RWDD4: variants seen among roughly 807,000 people sequenced by gnomAD.
RWDD4 encodes RWD domain containing 4.
Under a neutral mutation model 30.0 loss-of-function variants are expected in RWDD4, and 16 were observed. That is an observed-to-expected ratio of 0.53 (90% CI 0.36 to 0.81). The LOEUF (loss-of-function observed/expected upper bound fraction) is 0.81, where lower values mean the gene tolerates loss of function less well. RWDD4 is among the 30% of genes least tolerant of loss of function. RWDD4 has a pLI of 0.00. For synonymous variants in RWDD4, 45 were observed against 72.1 expected, an observed-to-expected ratio of 0.62 and a Z score of 1.90; for missense variants, 170 against 223.9, an observed-to-expected ratio of 0.76 and a Z score of 1.54.
At chr4:183,643,321 T>C (rs1733901842) in intron 7 of RWDD4, among the ~76,000 whole-genome samples, 1 of 134,788 alleles carries the variant, frequency 7.4e-6, no homozygotes, top group South Asian at 2.3e-4. Context: ...CAGGCTGAGG[T>C]AGAAGAATCG....
At position 183,659,075 on chromosome 4, in the gene RWDD4, T is replaced by C. The variant is rs1734306957; in HGVS notation, c.-123A>G. 1.4e-6 allele frequency: 1 copy of C among 720,844 alleles called. No individual in the cohort carries two copies. The allele number at this position is 720,844 out of a possible 1,614,324, so 44.7% of individuals were successfully genotyped here. A position where few individuals can be genotyped will look rare whatever the true frequency, so the allele number is the denominator to read the frequency against. ...CCTCGGCTGTGGGGGCGGCACAGTCTTGGCACTGGCAGACGCCAACTGCGC... is the reference window on the plus strand; with the variant it reads ...CCTCGGCTGTGGGGGCGGCACAGTCCTGGCACTGGCAGACGCCAACTGCGC... On this transcript the variant is annotated 5_prime_UTR_variant, in exon 1 of 8. Coordinates refer to ENST00000326397, the MANE Select transcript of RWDD4 (RefSeq NM_152682.4).
Position 183,651,071 on chromosome 4 carries a change from A to G in RWDD4, c.276T>C (p.Leu92=). ...ACAATGTATAGGTCATAGCGGTTCC[A>G]AGATTAGCTTCTACTGCTTCCTGTA... ...AKLQEAVEAN[L]GTAMTYTLFE... is the part of the protein sequence containing the mutation. Residue 92 remains leucine (L), a synonymous_variant, in exon 4 of 8, where the codon CTT becomes CTC. Coordinates refer to ENST00000326397, the MANE Select transcript of RWDD4 (RefSeq NM_152682.4). The G allele has an allele frequency of 1.2e-6, 2 of 1,614,072 alleles. No homozygotes were observed. The highest frequency in any genetic ancestry group is 1.7e-6 in the Non-Finnish European group (2 of 1,180,000).
intron 5 of RWDD4, among the ~76,000 whole-genome samples, chr4:183,647,431 C>T (rs1733984850): frequency 6.6e-6 from 1 of 152,090 alleles, no homozygotes; most frequent in South Asian, 2.1e-4. Context: ...GAATCGTATC[C>T]CCCTGGTTAC....
intron 2 of RWDD4, among the ~76,000 whole-genome samples, chr4:183,655,409 G>A (rs111469812): frequency 0.06 from 9,113 of 151,608 alleles, 904 homozygotes; most frequent in African/African-American, 0.21. Context: ...AGCCTCCCGA[G>A]TAGCTGGGAC....
chr4:183,644,651 T>C (rs1266471521), intron 7 of RWDD4, among the ~76,000 whole-genome samples: 5 of 151,942 alleles, frequency 3.3e-5, no homozygotes, highest in Admixed American at 2.6e-4. Context: ...TGGCGGTGCA[T>C]GCCTGTAGTC....
chr4:183,649,065 C>A (rs1315344256), intron 5 of RWDD4, among the ~76,000 whole-genome samples: 1 of 151,346 alleles, frequency 6.6e-6, no homozygotes, highest in African/African-American at 2.4e-5. Flanking sequence ...AAGAATTAAT[C>A]TAAATATATC....
chr4:183,641,651 A>C (rs1733858077), intron 7 of RWDD4, among the ~76,000 whole-genome samples, 183 bp from the exon 8 acceptor site: 1 of 152,154 alleles, frequency 6.6e-6, no homozygotes, highest in South Asian at 2.1e-4. Flanking sequence ...TCAAAATGTA[A>C]CCTTGACAAA....
At chr4:183,653,026 C>T (rs1285921338) in intron 2 of RWDD4, among the ~76,000 whole-genome samples, 1 of 152,144 alleles carries the variant, frequency 6.6e-6, no homozygotes, top group Non-Finnish European at 1.5e-5. Context: ...CTGTGACTGG[C>T]TTCCCCTGCC....
chr4:183,639,860 G>A lies in RWDD4; in HGVS notation c.*1576C>T, dbSNP rs923215856. ...AAGAGTAAAAATAGTTCATTGGCAT[G>A]TAACTAGCATCATTCTCTGTAATCT... is the stretch of plus-strand genomic sequence containing the variant. On this transcript the variant is annotated 3_prime_UTR_variant, in exon 8 of 8. Coordinates refer to ENST00000326397, the MANE Select transcript of RWDD4 (RefSeq NM_152682.4). The A allele has an allele frequency of 3.3e-5, 5 of 152,278 alleles. No homozygotes were observed. The highest frequency in any genetic ancestry group is 3.3e-4 in the Admixed American group (5 of 15,240). The allele number at this position is 152,278 out of a possible 1,614,324, so 9.4% of individuals were successfully genotyped here. A position where few individuals can be genotyped will look rare whatever the true frequency, so the allele number is the denominator to read the frequency against.
chr4:183,650,970 A>G lies in RWDD4; in HGVS notation c.363+14T>C. On this transcript the variant is annotated intron_variant, in intron 4 of 7. Coordinates refer to ENST00000326397, the MANE Select transcript of RWDD4 (RefSeq NM_152682.4). ...CAACAAAAGAATCCGGCAAAAAAAT[A>G]ATCACATACTCACTGCGGAATTGAT... 1.3e-6 allele frequency: 2 copies of G among 1,590,934 alleles called. No homozygotes were observed. The highest frequency in any genetic ancestry group is 1.7e-6 in the Non-Finnish European group (2 of 1,168,768).
intron 2 of RWDD4, 115 bp from the exon 3 acceptor site, chr4:183,651,442 A>C: frequency 1.2e-6 from 1 of 806,348 alleles, no homozygotes; most frequent in East Asian, 2.5e-5. Flanking sequence ...TCAGAAATGT[A>C]ATATTTTGAA....
rs781607096 is a variant in RWDD4, at chr4:183,651,238, G to A, written c.195C>T (p.Asn65=). The change falls in exon 3 of 8, where the codon AAC becomes AAT. Residue 65 remains asparagine (N), a synonymous_variant. Coordinates refer to ENST00000326397, the MANE Select transcript of RWDD4 (RefSeq NM_152682.4). ...CTCACATGGTGTTGTTAAAAAAAGC[G>A]TTCATAGATAGAATTGGAGGTGTTT... ...YPQTPPILSM[N]AFFNNTISSA... is the part of the protein sequence containing the mutation. 3.0e-5 allele frequency: 49 copies of A among 1,613,394 alleles called. No individual in the cohort carries two copies. In the East Asian group the frequency reaches 3.1e-4, roughly 10 times the overall value.
At chr4:183,651,451 A>G (rs79242887) in intron 2 of RWDD4, 124 bp from the exon 3 acceptor site, 43,483 of 762,866 alleles carry the variant, frequency 0.057, 2,219 homozygotes, top group South Asian at 0.18. Flanking sequence ...TAATATTTTG[A>G]AAAGTCCAGT....
intron 4 of RWDD4, among the ~76,000 whole-genome samples, chr4:183,650,050 G>A (rs1734045870): frequency 6.6e-6 from 1 of 152,196 alleles, no homozygotes; most frequent in Non-Finnish European, 1.5e-5. Context: ...CAGGGTATAT[G>A]ATAGCTAAAA....
At position 183,646,652 on chromosome 4, in the gene RWDD4, T is replaced by C. The variant is rs148149042; in HGVS notation, c.482-115A>G. On this transcript the variant is annotated intron_variant, in intron 5 of 7. Coordinates refer to ENST00000326397, the MANE Select transcript of RWDD4 (RefSeq NM_152682.4). ...ATAGGTTAAAAATTTAAATGACATA[T>C]TACTAAGTTGGAAAAAGAGTTTATC... The C allele has an allele frequency of 2.0e-4, 168 of 861,214 alleles. No homozygotes were observed. The East Asian group carries it at 4.3e-3, about 22-fold the overall frequency. The allele number at this position is 861,214 out of a possible 1,614,324, so 53.3% of individuals were successfully genotyped here.
At chr4:183,655,799 T>G (rs1734181390) in intron 2 of RWDD4, 82 bp downstream of exon 2, 1 of 795,864 alleles carries the variant, frequency 1.3e-6, no homozygotes, top group Non-Finnish European at 2.1e-6. Context: ...TAAACAAGTT[T>G]AAAAAACAAA....
intron 1 of RWDD4, chr4:183,656,164 GACT>G (rs1228525362): frequency 4.0e-6 from 2 of 502,860 alleles, no homozygotes; most frequent in Non-Finnish European, 7.2e-6. Context: ...CTGTGTCAGG[GACT>G]ACTAAGCACT....
intron 7 of RWDD4, among the ~76,000 whole-genome samples, chr4:183,642,862 T>C (rs918749386): frequency 1.1e-4 from 16 of 148,040 alleles, no homozygotes; most frequent in African/African-American, 3.7e-4. Flanking sequence ...ATTGAGACCA[T>C]CCTGGCTAAC....
intron 5 of RWDD4, 74 bp from the exon 6 acceptor site, chr4:183,646,611 C>G (rs1037988902): frequency 2.7e-5 from 34 of 1,282,014 alleles, no homozygotes; most frequent in Middle Eastern, 2.7e-4. Context: ...ATTTTATATA[C>G]TACTGTACAC....
Sources: gnomAD v4.1 joint callset for allele counts (sites outside exome capture counted in the v4.1 genomes callset) on GRCh38, gnomAD v4.1.1 for gene constraint, MANE v1.5 for transcripts, NCBI Gene and HGNC (gene_info 2026-07-23, HGNC 2026-07-21) for gene names.